The following DNAJC16 variants were observed in gnomAD, a reference collection of about 807,000 sequenced individuals.
The protein encoded by DNAJC16 is DnaJ heat shock protein family (Hsp40) member C16.
In DNAJC16, 76 loss-of-function variants were observed where a neutral mutation model predicts 92.7. The observed-to-expected ratio is 0.82, with a 90% CI of 0.68 to 0.99. DNAJC16 has a LOEUF of 0.99. Among genes scored for constraint, DNAJC16 ranks in the 50% least tolerant of loss-of-function variants. The pLI, the probability that DNAJC16 is intolerant of heterozygous loss-of-function variation, is 0.00. For synonymous variants in DNAJC16, 328 were observed against 358.7 expected (o/e 0.91, Z 0.97); for missense variants, 869 against 942.4 (o/e 0.92, Z 1.02).
Position 15,544,490 on chromosome 1 carries a change from T to G in DNAJC16, c.666T>G (p.Ile222Met). Residue 222 changes from isoleucine (I) to methionine (M), a missense_variant, in exon 5 of 15, where the codon ATT becomes ATG. Physicochemically the swap from Ile to Met is conservative, Grantham distance 10. Transcript: ENST00000375847. ...GCACGCCCTCTATCCTAGGAATCAT[T>G]AACGGGAAAATCTCCTTCTTCCACA... The part of the protein sequence containing the change: ...AHSTPSILGI[I>M]NGKISFFHNA... The G allele has an allele frequency of 1.2e-6, 2 of 1,614,128 alleles. No individual in the cohort carries two copies. The highest frequency in any genetic ancestry group is 1.7e-6 in the Non-Finnish European group (2 of 1,180,026).
intron 7 of DNAJC16, among the ~76,000 whole-genome samples, chr1:15,558,355 T>G (rs1472687891): frequency 6.6e-6 from 1 of 151,772 alleles, no homozygotes. Flanking sequence ...TGGCTAATGT[T>G]TTTTTATTTT....
At chr1:15,540,692 C>G (rs914532757) in intron 4 of DNAJC16, among the ~76,000 whole-genome samples, 1 of 152,182 alleles carries the variant, frequency 6.6e-6, no homozygotes, top group African/African-American at 2.4e-5. Context: ...CCGCCTCAGC[C>G]TCCCAAAGCA....
At chr1:15,561,223 C>T (rs140399181) in intron 8 of DNAJC16, among the ~76,000 whole-genome samples, 133 of 151,848 alleles carry the variant, frequency 8.8e-4, no homozygotes, top group African/African-American at 3.0e-3. Context: ...TCTATATTAC[C>T]TGACATATAC....
At chr1:15,527,270 G>T (rs1341210047) in intron 1 of DNAJC16, among the ~76,000 whole-genome samples, 1 of 152,158 alleles carries the variant, frequency 6.6e-6, no homozygotes, top group Non-Finnish European at 1.5e-5. Context: ...TTGCTGCTCC[G>T]AGGTCGGCGC....
chr1:15,536,736 A>T lies in DNAJC16; in HGVS notation c.496A>T (p.Ile166Phe), dbSNP rs1161450246. ...DSFKKPYLIKITSDWCFSCIH... is the reference protein window; with the variant it reads ...DSFKKPYLIKFTSDWCFSCIH... Reference sequence around the variant, plus strand: ...CTTCAAGAAACCCTACCTCATCAAGATCACCTCCGATTGGTGCTTTAGCTG... The same window carrying T: ...CTTCAAGAAACCCTACCTCATCAAGTTCACCTCCGATTGGTGCTTTAGCTG... The change falls in exon 4 of 15, where the codon ATC becomes TTC. Residue 166 changes from isoleucine to phenylalanine, a missense_variant. By Grantham distance (21) the Ile-to-Phe change is conservative. Transcript: ENST00000375847. 4 of 1,614,188 alleles carry T rather than the reference A, an allele frequency of 2.5e-6. No individual in the cohort carries two copies. Among genetic ancestry groups the T allele is most frequent in the Non-Finnish European group, 3.4e-6 (4 of 1,180,032 alleles).
At chr1:15,547,666 T>G (rs1482359522) in intron 6 of DNAJC16, among the ~76,000 whole-genome samples, 1 of 151,982 alleles carries the variant, frequency 6.6e-6, no homozygotes, top group Non-Finnish European at 1.5e-5. Flanking sequence ...GGTCTTGCAC[T>G]CCTGACCTCA....
At chr1:15,559,350 T>C (rs1638640899) in intron 7 of DNAJC16, among the ~76,000 whole-genome samples, 176 bp from the exon 8 acceptor site, 1 of 152,248 alleles carries the variant, frequency 6.6e-6, no homozygotes, top group South Asian at 2.1e-4. Context: ...CTTTCAGCCC[T>C]GCATTGCTGA....
At chr1:15,547,417 A>T (rs942345779) in intron 6 of DNAJC16, among the ~76,000 whole-genome samples, 1 of 145,752 alleles carries the variant, frequency 6.9e-6, no homozygotes, top group African/African-American at 2.6e-5. Context: ...AATTGCTGGG[A>T]TTACAGGCAT....
intron 7 of DNAJC16, among the ~76,000 whole-genome samples, chr1:15,557,712 T>C (rs1479061918): frequency 1.3e-5 from 2 of 151,898 alleles, no homozygotes; most frequent in Non-Finnish European, 1.5e-5. Flanking sequence ...TTTTCTAATA[T>C]CTGATAGGCG....
rs554028100 is a variant in DNAJC16, at chr1:15,567,305, TGAGA to T, written c.1949+46_1949+49del. On this transcript the variant is annotated intron_variant, in intron 14 of 14. Coordinates refer to ENST00000375847, the MANE Select transcript of DNAJC16 (RefSeq NM_015291.4). ...GTGTGTGTGCATGTATGTATGTGTGTGAGAGAGAGAGAGGCAGGCACACTGAAAT... is the reference window on the plus strand; with the variant it reads ...GTGTGTGTGCATGTATGTATGTGTGTGAGAGAGAGGCAGGCACACTGAAAT... The T allele has an allele frequency of 1.8e-4, 289 of 1,576,750 alleles. No individual in the cohort carries two copies. In the East Asian group the frequency reaches 2.6e-3, roughly 14 times the overall value.
intron 2 of DNAJC16, 86 bp from the exon 3 acceptor site, chr1:15,534,151 T>C: frequency 1.5e-6 from 2 of 1,365,970 alleles, no homozygotes; most frequent in Non-Finnish European, 2.0e-6. Flanking sequence ...CGTCTGCCTC[T>C]GTAGTGAACT....
chr1:15,530,488 G>A (rs1252829246), intron 2 of DNAJC16, among the ~76,000 whole-genome samples: 1 of 152,222 alleles, frequency 6.6e-6, no homozygotes, highest in African/African-American at 2.4e-5. Flanking sequence ...AGAAGCAGAA[G>A]TGTTGGATTA....
chr1:15,564,037 G>T lies in DNAJC16; in HGVS notation c.1447G>T (p.Asp483Tyr). The T allele has an allele frequency of 6.2e-7, 1 of 1,613,766 alleles. No individual in the cohort carries two copies. Among genetic ancestry groups the T allele is most frequent in the South Asian group, 1.1e-5 (1 of 91,068 alleles). The change falls in exon 10 of 15, where the codon GAC (aspartate) becomes TAC (tyrosine). Residue 483 changes from aspartate to tyrosine, a missense_variant. Asp to Tyr is a radical substitution (Grantham distance 160). Coordinates refer to ENST00000375847, the MANE Select transcript of DNAJC16 (RefSeq NM_015291.4). ...CAAATTTATCCTCTTGGGCTATCTC[G>T]ACCAGCTGCGTAAAGATCCAGCTCT... The part of the protein sequence containing the change: ...SDKFILLGYL[D>Y]QLRKDPALLS...
intron 7 of DNAJC16, among the ~76,000 whole-genome samples, chr1:15,551,693 A>G (rs1441086436): frequency 2.6e-5 from 4 of 151,412 alleles, no homozygotes; most frequent in Non-Finnish European, 5.9e-5. Flanking sequence ...GGCTCACTGC[A>G]GTTCCGACTT....
chr1:15,532,939 A>C (rs1262064607), intron 2 of DNAJC16, among the ~76,000 whole-genome samples: 2 of 152,214 alleles, frequency 1.3e-5, no homozygotes, highest in Non-Finnish European at 2.9e-5. Context: ...TGCTAGAATA[A>C]ATCCATTAAG....
intron 1 of DNAJC16, among the ~76,000 whole-genome samples, chr1:15,527,590 C>T (rs971215716): frequency 8.5e-5 from 13 of 152,204 alleles, no homozygotes; most frequent in Non-Finnish European, 1.3e-4. Flanking sequence ...TAGTCTTCAA[C>T]CCATATGCTT....
chr1:15,543,460 GGAA>G (rs957457908), intron 4 of DNAJC16, among the ~76,000 whole-genome samples: 5 of 152,202 alleles, frequency 3.3e-5, no homozygotes, highest in African/African-American at 1.2e-4. Flanking sequence ...TTGGAGGAGT[GGAA>G]GAAGAGGGCA....
chr1:15,568,051 A>G lies in DNAJC16; in HGVS notation c.2223A>G (p.Lys741=). 1 of 1,614,190 alleles carries G rather than the reference A, an allele frequency of 6.2e-7. No individual in the cohort carries two copies. Among genetic ancestry groups the G allele is most frequent in the African/African-American group, 1.3e-5 (1 of 75,052 alleles). ...TCTACCTGGGTGAATCTCGAGGGAA[A>G]CCTTCCTGTGGCCTTGGATCCAGGC... The part of the protein sequence containing the change: ...SSLYLGESRG[K]PSCGLGSRPI... The change falls in exon 15 of 15, where the codon AAA becomes AAG. Residue 741 remains lysine, a synonymous_variant. Transcript: ENST00000375847.
chr1:15,556,220 GTTGTTTTGTT>G (rs76260170), intron 7 of DNAJC16, among the ~76,000 whole-genome samples: 52,232 of 149,796 alleles, frequency 0.35, 9,420 homozygotes, highest in East Asian at 0.58. Flanking sequence ...ACAGTTGTTG[GTTGTTTTGTT>G]TTGTTTTGTT....
Sources: gnomAD v4.1 joint callset for allele counts (sites outside exome capture counted in the v4.1 genomes callset) on GRCh38, gnomAD v4.1.1 for gene constraint, MANE v1.5 for transcripts, NCBI Gene and HGNC (gene_info 2026-07-23, HGNC 2026-07-21) for gene names.